Variants in MAN1A1 observed in about 807,000 individuals in gnomAD.
MAN1A1 encodes mannosyl-oligosaccharide 1,2-alpha-mannosidase IA.
Under a neutral mutation model 70.8 loss-of-function variants are expected in MAN1A1, and 29 were observed. That is an observed-to-expected ratio of 0.41 (90% CI 0.31 to 0.56). The LOEUF is 0.56. Ranked by LOEUF, MAN1A1 falls within the 20% of genes least tolerant of loss-of-function variation. The probability of loss-of-function intolerance (pLI) is 0.29; values close to 1 mark genes in which losing one functional copy is unlikely to be tolerated. For missense variants in MAN1A1, 747 were observed against 841.3 expected (o/e 0.89, Z 1.39); for synonymous variants, 349 against 330.1 (o/e 1.06, Z -0.62).
chr6:119,335,355 TACA>T (rs1355044117), intron 2 of MAN1A1, among the ~76,000 whole-genome samples: 2 of 152,192 alleles, frequency 1.3e-5, no homozygotes, highest in East Asian at 3.8e-4. Flanking sequence ...TTTTAATTCT[TACA>T]ACAACTCTGA....
chr6:119,197,663 A>G (rs1330586842), intron 8 of MAN1A1, among the ~76,000 whole-genome samples: 1 of 152,206 alleles, frequency 6.6e-6, no homozygotes, highest in African/African-American at 2.4e-5. Context: ...AGGAAATGGC[A>G]CAAGCAAAGA....
intron 8 of MAN1A1, among the ~76,000 whole-genome samples, chr6:119,200,855 T>C (rs1039247185): frequency 1.3e-5 from 2 of 152,210 alleles, no homozygotes; most frequent in African/African-American, 4.8e-5. Context: ...TCTCATTATA[T>C]AGCCATGCAG....
At chr6:119,201,441 T>G (rs1024652129) in intron 7 of MAN1A1, 94 bp from the exon 8 acceptor site, 1 of 797,302 alleles carries the variant, frequency 1.3e-6, no homozygotes, top group African/African-American at 1.7e-5. Flanking sequence ...ACTTAAATGA[T>G]GCAGAGTTAG....
chr6:119,256,410 C>CA (rs939606455), intron 5 of MAN1A1, among the ~76,000 whole-genome samples: 1 of 89,884 alleles, frequency 1.1e-5, no homozygotes, highest in Non-Finnish European at 2.5e-5. Context: ...AATTGTATCT[C>CA]ATTATTTTTT....
At chr6:119,243,339 T>A (rs759887443) in intron 6 of MAN1A1, among the ~76,000 whole-genome samples, 6 of 152,100 alleles carry the variant, frequency 3.9e-5, no homozygotes, top group Non-Finnish European at 7.4e-5. Flanking sequence ...AATATACTTC[T>A]TTCAAATCTG....
chr6:119,313,675 G>A (rs1166089245), intron 2 of MAN1A1, among the ~76,000 whole-genome samples: 2 of 146,356 alleles, frequency 1.4e-5, no homozygotes, highest in African/African-American at 5.1e-5. Context: ...AAAAAAAAAA[G>A]TTGTTTATCT....
chr6:119,213,157 T>C (rs1192157487), intron 6 of MAN1A1, among the ~76,000 whole-genome samples: 1 of 152,218 alleles, frequency 6.6e-6, no homozygotes, highest in Non-Finnish European at 1.5e-5. Flanking sequence ...TAAACCATCT[T>C]ATAATTTAAA....
intron 5 of MAN1A1, chr6:119,269,012 T>C (rs1775839099): frequency 6.6e-6 from 1 of 152,418 alleles, no homozygotes; most frequent in Admixed American, 6.5e-5. Flanking sequence ...ACCCCCAGCT[T>C]CCTAAGTACC....
At chr6:119,216,905 C>G (rs1054649783) in intron 6 of MAN1A1, among the ~76,000 whole-genome samples, 1 of 152,194 alleles carries the variant, frequency 6.6e-6, no homozygotes, top group East Asian at 1.9e-4. Context: ...TGCCTAATTA[C>G]AGCTGCACAG....
At chr6:119,338,020 C>G (rs1011574438) in intron 2 of MAN1A1, among the ~76,000 whole-genome samples, 4 of 149,708 alleles carry the variant, frequency 2.7e-5, no homozygotes, top group Non-Finnish European at 2.9e-5. Context: ...TAATTATGAG[C>G]TGAAAACCTG....
intron 11 of MAN1A1, among the ~76,000 whole-genome samples, chr6:119,183,261 A>G (rs936986542): frequency 6.6e-6 from 1 of 152,262 alleles, no homozygotes; most frequent in Non-Finnish European, 1.5e-5. Context: ...TCATGATTTC[A>G]TACTTTTAAA....
chr6:119,315,491 A>C (rs1438166159), intron 2 of MAN1A1, among the ~76,000 whole-genome samples: 4 of 152,176 alleles, frequency 2.6e-5, no homozygotes, highest in Non-Finnish European at 5.9e-5. Context: ...GTTCTAGCTA[A>C]AAAAATTGGA....
chr6:119,232,904 C>T (rs776453342), intron 6 of MAN1A1, among the ~76,000 whole-genome samples: 4 of 151,976 alleles, frequency 2.6e-5, no homozygotes, highest in Non-Finnish European at 5.9e-5. Flanking sequence ...TGAAAAGGGA[C>T]CTATTTTCCC....
chr6:119,282,973 T>TTAA (rs1776261137), intron 5 of MAN1A1, among the ~76,000 whole-genome samples: 1 of 152,212 alleles, frequency 6.6e-6, no homozygotes, highest in African/African-American at 2.4e-5. Flanking sequence ...TAAATCTATT[T>TTAA]TAAAGGTCTA....
intron 11 of MAN1A1, among the ~76,000 whole-genome samples, chr6:119,181,296 G>A (rs986487765): frequency 3.3e-5 from 5 of 152,146 alleles, no homozygotes; most frequent in South Asian, 2.1e-4. Context: ...TTGAGAAACC[G>A]TACTGGAACA....
intron 6 of MAN1A1, among the ~76,000 whole-genome samples, chr6:119,209,624 C>T (rs547270324): frequency 1.3e-5 from 2 of 152,292 alleles, no homozygotes; most frequent in South Asian, 2.1e-4. Flanking sequence ...ATTTCATCAA[C>T]GATTGCGTCA....
chr6:119,310,527 G>T (rs1291750155), intron 2 of MAN1A1, among the ~76,000 whole-genome samples: 1 of 152,174 alleles, frequency 6.6e-6, no homozygotes, highest in Non-Finnish European at 1.5e-5. Flanking sequence ...CTGAGAGCTA[G>T]CCATGAGCCT....
intron 9 of MAN1A1, among the ~76,000 whole-genome samples, chr6:119,191,695 G>C (rs1288944014): frequency 6.6e-6 from 1 of 151,930 alleles, no homozygotes; most frequent in East Asian, 1.9e-4. Context: ...TCTCCAGATA[G>C]GGCCATGATA....
Position 119,289,395 on chromosome 6 carries a change from A to G in MAN1A1, c.897+1288T>C, listed in dbSNP as rs193005198. The stretch of plus-strand genomic sequence containing the variant: ...AGTATTCTAAAAGCAGAAACCTGTT[A>G]ACTAAAATAACATTAGTTAATTTTA... On this transcript the variant is annotated intron_variant, in intron 5 of 12. Transcript: ENST00000368468. 2.7e-3 allele frequency among the ~76,000 whole-genome samples: 414 copies of G among 152,078 alleles called. 1 individual carries two copies. The highest frequency in any genetic ancestry group is 5.1e-3 in the Non-Finnish European group (344 of 67,888).
Sources: allele counts gnomAD v4.1 joint callset (sites outside exome capture counted in the v4.1 genomes callset), GRCh38; gene constraint gnomAD v4.1.1; transcripts MANE v1.5; gene names NCBI Gene and HGNC (gene_info 2026-07-23, HGNC 2026-07-21).